SCML2: variants seen among roughly 807,000 people sequenced by gnomAD.
SCML2 encodes Scm polycomb group protein like 2.
Under a neutral mutation model 48.4 loss-of-function variants are expected in SCML2, and 6 were observed. The observed-to-expected ratio is 0.12, with a 90% confidence interval of 0.07 to 0.24. The LOEUF (loss-of-function observed/expected upper bound fraction) is 0.24. SCML2 is among the 10% of genes least tolerant of loss of function. The pLI, the probability that SCML2 is intolerant of heterozygous loss-of-function variation, is 1.00. For synonymous variants in SCML2, 181 were observed against 189.5 expected, an observed-to-expected ratio of 0.95 and a Z score of 0.37; for missense variants, 377 against 528.2, an observed-to-expected ratio of 0.71 and a Z score of 2.81.
At chrX:18,330,714 C>T (rs957044197) in intron 2 of SCML2, 59 bp from the exon 3 acceptor site, 1 of 694,420 alleles carries the variant, frequency 1.4e-6, no homozygotes. Flanking sequence ...AAAGAGCACT[C>T]AGAAAAATAT....
Position 18,260,152 on chromosome X carries a change from T to G in SCML2, c.1069+19A>C. The G allele has an allele frequency of 9.0e-7, 1 of 1,110,647 alleles. No individual in the cohort carries two copies. Among genetic ancestry groups the G allele is most frequent in the Non-Finnish European group, 1.2e-6 (1 of 828,469 alleles). The allele number at this position is 1,110,647 out of a possible 1,213,427, so 91.5% of individuals were successfully genotyped here. ...TAAAAGATTAGTAATTCTATACTAT[T>G]TTTAAAATATGAATTTACCTGTAGA... is the stretch of plus-strand genomic sequence containing the variant. On this transcript the variant is annotated intron_variant, in intron 9 of 14. Transcript: ENST00000251900.
chrX:18,244,943 G>A (rs941902603), intron 13 of SCML2, among the ~76,000 whole-genome samples: 3 of 111,441 alleles, frequency 2.7e-5, no homozygotes, highest in Non-Finnish European at 5.6e-5. Flanking sequence ...ATGGAAATGC[G>A]TATCTATTCT....
chrX:18,307,134 T>C (rs1283328873), intron 6 of SCML2, among the ~76,000 whole-genome samples: 1 of 110,715 alleles, frequency 9.0e-6, no homozygotes, highest in East Asian at 2.8e-4. Context: ...AATACAAAAA[T>C]TAGCTGGGCA....
intron 7 of SCML2, among the ~76,000 whole-genome samples, chrX:18,283,791 C>T (rs1300768409): frequency 1.8e-5 from 2 of 111,844 alleles, no homozygotes; most frequent in African/African-American, 6.5e-5. Context: ...AGAGATCACA[C>T]AAATAGATGG....
chrX:18,353,150 A>C (rs1282565034), intron 1 of SCML2, among the ~76,000 whole-genome samples: 1 of 106,916 alleles, frequency 9.4e-6, no homozygotes, highest in African/African-American at 3.5e-5. Context: ...AAAAAAAAAA[A>C]CACACAAACA....
At chrX:18,304,841 C>T (rs932835323) in intron 7 of SCML2, 131 bp downstream of exon 7, 17 of 695,028 alleles carry the variant, frequency 2.4e-5, no homozygotes, top group Non-Finnish European at 3.5e-5. Flanking sequence ...GCCTGGACAG[C>T]GCTTTGTTCT....
chrX:18,247,081 C>T (rs1014503307), intron 12 of SCML2, among the ~76,000 whole-genome samples: 2 of 111,028 alleles, frequency 1.8e-5, no homozygotes, highest in Non-Finnish European at 1.9e-5. Context: ...CAACCTCCGC[C>T]TCCTGGGTTC....
chrX:18,291,208 G>A (rs954459695), intron 7 of SCML2, among the ~76,000 whole-genome samples: 2 of 111,571 alleles, frequency 1.8e-5, no homozygotes, highest in Non-Finnish European at 3.8e-5. Flanking sequence ...CACTCTGTAC[G>A]GGTCTCGTGA....
intron 6 of SCML2, among the ~76,000 whole-genome samples, chrX:18,318,633 C>T (rs1336811446): frequency 8.9e-6 from 1 of 112,122 alleles, no homozygotes; most frequent in African/African-American, 3.2e-5. Flanking sequence ...AACTAACTTT[C>T]GAGTGATTTT....
chrX:18,309,606 G>T (rs1287075731), intron 6 of SCML2, among the ~76,000 whole-genome samples: 1 of 111,910 alleles, frequency 8.9e-6, no homozygotes, highest in South Asian at 3.7e-4. Flanking sequence ...CCATAAAAAA[G>T]GACGAGATCA....
At chrX:18,261,523 A>G (rs1230561591) in intron 8 of SCML2, among the ~76,000 whole-genome samples, 2 of 110,054 alleles carry the variant, frequency 1.8e-5, no homozygotes, top group Non-Finnish European at 3.8e-5. Context: ...CAAATATGAC[A>G]TAGATCCCAT....
intron 7 of SCML2, among the ~76,000 whole-genome samples, chrX:18,281,548 C>G (rs1397655753): frequency 1.8e-5 from 2 of 109,457 alleles, no homozygotes; most frequent in Non-Finnish European, 3.8e-5. Context: ...CCCGTCTCTA[C>G]TAGAAATACA....
chrX:18,267,590 G>GTTTT lies in SCML2; in HGVS notation c.731-1792_731-1789dup, dbSNP rs766175364. Among the ~76,000 whole-genome samples the GTTTT allele has an allele frequency of 3.0e-5, 3 of 100,548 alleles. 1 individual carries two copies. Among genetic ancestry groups the GTTTT allele is most frequent in the Non-Finnish European group, 4.0e-5 (2 of 49,646 alleles). 87.3% of individuals were successfully genotyped at this position (100,548 alleles called of 115,157 possible). A position where few individuals can be genotyped will look rare whatever the true frequency, so the allele number is the denominator to read the frequency against. On this transcript the variant is annotated intron_variant, in intron 7 of 14. Transcript: ENST00000251900. Reference sequence around the variant, plus strand: ...CTGTCGTACATTCTTTTTTGTTTGGGTTTTTTTTTTTTTGAGACGGAGTCT... The same window carrying GTTTT: ...CTGTCGTACATTCTTTTTTGTTTGGGTTTTTTTTTTTTTTTTTGAGACGGAGTCT...
At position 18,305,140 on chromosome X, in the gene SCML2, G is replaced by A; in HGVS notation, c.562C>T (p.Leu188Phe). 2 of 1,209,362 alleles carry A rather than the reference G, an allele frequency of 1.7e-6. No individual in the cohort carries two copies. The highest frequency in any genetic ancestry group is 2.2e-6 in the Non-Finnish European group (2 of 894,350). ...LEAIDKKNPY[L>F]ICPATIGDVK... ...TCTCCAATGGTCGCAGGACAGATGAGATACGGGTTCTTTTTGTCAATAGCT... is the reference window on the plus strand; with the variant it reads ...TCTCCAATGGTCGCAGGACAGATGAAATACGGGTTCTTTTTGTCAATAGCT... The change falls in exon 7 of 15, where the codon CTC becomes TTC. Residue 188 changes from leucine to phenylalanine, a missense_variant. Transcript: ENST00000251900.
At chrX:18,242,978 T>C (rs1026791894) in intron 13 of SCML2, among the ~76,000 whole-genome samples, 1 of 112,610 alleles carries the variant, frequency 8.9e-6, no homozygotes, top group Non-Finnish European at 1.9e-5. Context: ...TTTCAATCTC[T>C]CTCTATCTGT....
At chrX:18,293,195 A>G (rs1190425034) in intron 7 of SCML2, among the ~76,000 whole-genome samples, 1 of 112,066 alleles carries the variant, frequency 8.9e-6, no homozygotes, top group Non-Finnish European at 1.9e-5. Flanking sequence ...GAATATACAA[A>G]TTATATCTAA....
intron 7 of SCML2, 49 bp downstream of exon 7, chrX:18,304,923 C>T: frequency 1.7e-6 from 2 of 1,165,162 alleles, no homozygotes; most frequent in Non-Finnish European, 1.2e-6. Context: ...ATGACAGTTA[C>T]ATCTAACTTC....
At chrX:18,267,752 C>T (rs765969010) in intron 7 of SCML2, among the ~76,000 whole-genome samples, 15 of 109,693 alleles carry the variant, frequency 1.4e-4, no homozygotes, top group African/African-American at 4.3e-4. Flanking sequence ...CGCCCAACTA[C>T]GCCCAGCTAA....
At chrX:18,290,967 G>C (rs1338236754) in intron 7 of SCML2, among the ~76,000 whole-genome samples, 1 of 111,103 alleles carries the variant, frequency 9.0e-6, no homozygotes. Flanking sequence ...CAATATGAGG[G>C]AAAAAACGGT....
Sources: gnomAD v4.1 joint callset for allele counts (sites outside exome capture counted in the v4.1 genomes callset) on GRCh38, gnomAD v4.1.1 for gene constraint, MANE v1.5 for transcripts, NCBI Gene and HGNC (gene_info 2026-07-23, HGNC 2026-07-21) for gene names.